Variants in MBOAT2 observed in about 807,000 individuals in gnomAD.
MBOAT2 encodes membrane-bound glycerophospholipid O-acyltransferase 2.
In MBOAT2, 28 loss-of-function variants were observed where a neutral mutation model predicts 63.4. That is an observed-to-expected ratio of 0.44 (90% CI 0.33 to 0.61). The LOEUF (loss-of-function observed/expected upper bound fraction) is 0.61, where lower values mean the gene tolerates loss of function less well. MBOAT2 is among the 20% of genes least tolerant of loss of function. The pLI, the probability that MBOAT2 is intolerant of heterozygous loss-of-function variation, is 0.03. For missense variants in MBOAT2, 470 were observed against 605.8 expected (o/e 0.78, Z 2.35); for synonymous variants, 211 against 215.6 (o/e 0.98, Z 0.19).
chr2:8,872,675 A>AT (rs1173934817), intron 8 of MBOAT2, among the ~76,000 whole-genome samples: 5 of 152,228 alleles, frequency 3.3e-5, no homozygotes, highest in Admixed American at 3.3e-4. Flanking sequence ...CAATGTGCCA[A>AT]TATCATTTTA....
At chr2:8,923,048 T>G (rs1666692594) in intron 3 of MBOAT2, among the ~76,000 whole-genome samples, 1 of 152,270 alleles carries the variant, frequency 6.6e-6, no homozygotes, top group South Asian at 2.1e-4. Context: ...CTGCTTTTGC[T>G]CATTCTTGTG....
intron 4 of MBOAT2, among the ~76,000 whole-genome samples, chr2:8,902,074 C>T (rs935845614): frequency 6.6e-6 from 1 of 152,164 alleles, no homozygotes; most frequent in African/African-American, 2.4e-5. Context: ...ACCCTCAGCT[C>T]AGCCCAGAGG....
intron 8 of MBOAT2, 104 bp downstream of exon 8, chr2:8,873,004 A>G (rs1009776123): frequency 2.0e-6 from 2 of 986,890 alleles, no homozygotes; most frequent in African/African-American, 1.6e-5. Context: ...AATTTTTCCA[A>G]TTGGTCTTTA....
chr2:8,863,913 G>T (rs183180752), intron 10 of MBOAT2, among the ~76,000 whole-genome samples: 206 of 152,310 alleles, frequency 1.4e-3, no homozygotes, highest in African/African-American at 4.7e-3. Context: ...CTCTGACATT[G>T]GCAGAGGCCT....
chr2:8,867,473 G>A (rs977393986), intron 9 of MBOAT2, among the ~76,000 whole-genome samples: 2 of 152,136 alleles, frequency 1.3e-5, no homozygotes, highest in Non-Finnish European at 2.9e-5. Flanking sequence ...TCAAGCTCGG[G>A]TGCCTCTGCT....
chr2:8,874,669 C>T (rs1158195575), intron 7 of MBOAT2, among the ~76,000 whole-genome samples: 2 of 152,140 alleles, frequency 1.3e-5, no homozygotes, highest in African/African-American at 4.8e-5. Flanking sequence ...AGTTTGTATG[C>T]CCTAGGCAGA....
In MBOAT2 at chr2:8,884,014, G is replaced by C. The variant is rs535157405; in HGVS notation, c.452-1449C>G. 5.4e-3 allele frequency among the ~76,000 whole-genome samples: 814 copies of C among 150,910 alleles called. 6 individuals are homozygous for C. Among genetic ancestry groups the C allele is most frequent in the African/African-American group, 0.019 (765 of 41,170 alleles). ...AAGGCGGGTGGATCACCTGAGGCCAGGAGTTTGAGACCAGCCTGGCCAACA... is the reference window on the plus strand; with the variant it reads ...AAGGCGGGTGGATCACCTGAGGCCACGAGTTTGAGACCAGCCTGGCCAACA... On this transcript the variant is annotated intron_variant, in intron 5 of 12. Coordinates refer to ENST00000305997, the MANE Select transcript of MBOAT2 (RefSeq NM_138799.4).
At chr2:8,977,206 A>C (rs1670879563) in intron 1 of MBOAT2, among the ~76,000 whole-genome samples, 1 of 152,106 alleles carries the variant, frequency 6.6e-6, no homozygotes, top group Non-Finnish European at 1.5e-5. Flanking sequence ...CTTATACCTC[A>C]ATAAAGCTGT....
At chr2:8,897,037 G>A (rs894773629) in intron 4 of MBOAT2, among the ~76,000 whole-genome samples, 1 of 152,234 alleles carries the variant, frequency 6.6e-6, no homozygotes. Flanking sequence ...CAGGGTTATA[G>A]AGAAGACCTT....
chr2:8,912,377 A>AAGAAAGAAAGAAAG (rs1665836174), intron 3 of MBOAT2, among the ~76,000 whole-genome samples: 34 of 64,494 alleles, frequency 5.3e-4, no homozygotes, highest in Admixed American at 1.1e-3. Flanking sequence ...AAGAAAGAGA[A>AAGAAAGAAAGAAAG]AGAAAGAAAG....
chr2:8,936,477 TC>T (rs1389218562), intron 3 of MBOAT2, among the ~76,000 whole-genome samples: 1 of 152,172 alleles, frequency 6.6e-6, no homozygotes, highest in Non-Finnish European at 1.5e-5. Context: ...TTTACTTACA[TC>T]TTTTACATTT....
Position 8,882,535 on chromosome 2 carries a change from G to A in MBOAT2, c.482C>T (p.Ser161Phe), listed in dbSNP as rs751489034. 6.2e-7 allele frequency: 1 copy of A among 1,614,234 alleles called. No homozygotes were observed. Among genetic ancestry groups the A allele is most frequent in the South Asian group, 1.1e-5 (1 of 91,088 alleles). ...CCTTACAGCTAAATCCCTCTGTGAG[G>A]AAGTCAGTTCTTCATCCTTCCGAAA... Reference protein sequence around the residue: ...GMFRKDEELTSSQRDLAVRRM... With the variant: ...GMFRKDEELTFSQRDLAVRRM... Residue 161 changes from serine (S) to phenylalanine (F), a missense_variant, in exon 6 of 13, where the codon TCC (serine) becomes TTC (phenylalanine). By Grantham distance (155) the Ser-to-Phe change is radical. Coordinates refer to ENST00000305997, the MANE Select transcript of MBOAT2 (RefSeq NM_138799.4).
intron 6 of MBOAT2, 23 bp downstream of exon 6, chr2:8,882,488 G>C (rs1558569544): frequency 1.2e-6 from 2 of 1,613,458 alleles, no homozygotes; most frequent in African/African-American, 1.3e-5. Flanking sequence ...AAGCATGGCA[G>C]AATAGGATGC....
At chr2:8,900,102 T>G (rs527910697) in intron 4 of MBOAT2, among the ~76,000 whole-genome samples, 1 of 152,278 alleles carries the variant, frequency 6.6e-6, no homozygotes, top group South Asian at 2.1e-4. Flanking sequence ...GTGGACAACA[T>G]TGAGTAATTC....
At chr2:8,979,635 G>A (rs1671065389) in intron 1 of MBOAT2, among the ~76,000 whole-genome samples, 1 of 151,948 alleles carries the variant, frequency 6.6e-6, no homozygotes, top group South Asian at 2.1e-4. Flanking sequence ...AAATTTAGGG[G>A]GTACTGCCAA....
At chr2:8,912,386 AG>A (rs1665843587) in intron 3 of MBOAT2, among the ~76,000 whole-genome samples, 1 of 136,886 alleles carries the variant, frequency 7.3e-6, no homozygotes, top group African/African-American at 3.0e-5. Context: ...AAAGAAAGAA[AG>A]AAAGAAAGAA....
intron 4 of MBOAT2, among the ~76,000 whole-genome samples, chr2:8,907,330 C>T (rs1665409641): frequency 6.6e-6 from 1 of 152,188 alleles, no homozygotes; most frequent in Non-Finnish European, 1.5e-5. Context: ...TATTTAATGC[C>T]ATCGTGTGCT....
chr2:8,964,707 T>C (rs987378476), intron 1 of MBOAT2, among the ~76,000 whole-genome samples: 5 of 152,234 alleles, frequency 3.3e-5, no homozygotes, highest in African/African-American at 1.2e-4. Context: ...TAATTATTTA[T>C]CAGCAATGTG....
At chr2:8,918,635 T>C (rs1666358998) in intron 3 of MBOAT2, among the ~76,000 whole-genome samples, 1 of 152,082 alleles carries the variant, frequency 6.6e-6, no homozygotes, top group Non-Finnish European at 1.5e-5. Context: ...ATAGAACAGG[T>C]GTGCCCATAT....
Sources: allele counts gnomAD v4.1 joint callset (sites outside exome capture counted in the v4.1 genomes callset), GRCh38; gene constraint gnomAD v4.1.1; transcripts MANE v1.5; gene names NCBI Gene and HGNC (gene_info 2026-07-23, HGNC 2026-07-21).